The following GPATCH1 variants were observed in gnomAD, a reference collection of about 807,000 sequenced individuals.
The protein encoded by GPATCH1 is G-patch domain containing 1.
A neutral mutation model predicts 114.9 loss-of-function variants in GPATCH1; 73 were observed. The observed-to-expected ratio is 0.64, with a 90% CI of 0.53 to 0.77. The LOEUF (loss-of-function observed/expected upper bound fraction) is 0.77, where lower values mean the gene tolerates loss of function less well. Ranked by LOEUF, GPATCH1 falls within the 30% of genes least tolerant of loss-of-function variation. The pLI is 0.00. For missense variants in GPATCH1, 1,058 were observed against 1,144.3 expected (o/e 0.92, Z 1.09); for synonymous variants, 391 against 428.4 (o/e 0.91, Z 1.08).
intron 1 of GPATCH1, among the ~76,000 whole-genome samples, chr19:33,083,362 G>A (rs902902967): frequency 7.3e-5 from 11 of 150,402 alleles, no homozygotes; most frequent in Middle Eastern, 3.2e-3. Context: ...AATTATAGGC[G>A]TGACTCTCTA....
intron 5 of GPATCH1, among the ~76,000 whole-genome samples, chr19:33,094,550 T>C (rs947810307): frequency 2.0e-5 from 3 of 152,132 alleles, no homozygotes; most frequent in African/African-American, 7.2e-5. Flanking sequence ...CCTGAGCAAA[T>C]TCCAATAAAC....
At chr19:33,119,933 A>G (rs1480578894) in intron 17 of GPATCH1, among the ~76,000 whole-genome samples, 1 of 145,032 alleles carries the variant, frequency 6.9e-6, no homozygotes, top group Non-Finnish European at 1.5e-5. Flanking sequence ...TAAAAATTAT[A>G]TATATTTTTA....
chr19:33,096,406 T>C lies in GPATCH1; in HGVS notation c.812T>C (p.Ile271Thr). 6.2e-7 allele frequency: 1 copy of C among 1,613,930 alleles called. No homozygotes were observed. The highest frequency in any genetic ancestry group is 8.5e-7 in the Non-Finnish European group (1 of 1,179,856). ...GAGAGAGCTGGCGATCTTGGAGAAA[T>C]TGGACTGAATAAAGGAAGAAAATTG... is the stretch of plus-strand genomic sequence containing the variant. ...GSERAGDLGE[I>T]GLNKGRKLGI... The change falls in exon 7 of 20, where the codon ATT (isoleucine) becomes ACT (threonine). Residue 271 changes from isoleucine to threonine, a missense_variant. Physicochemically the swap from Ile to Thr is moderately conservative, Grantham distance 89. Around this residue, in one of 3 missense-constraint regions of GPATCH1, gnomAD observed 893 missense variants for 977.4 expected, o/e 0.91. Transcript: ENST00000170564.
chr19:33,109,412 G>C (rs186356372), intron 10 of GPATCH1, among the ~76,000 whole-genome samples: 19 of 152,016 alleles, frequency 1.2e-4, no homozygotes, highest in African/African-American at 4.1e-4. Context: ...CGGCTACTCG[G>C]TGGGGATGAG....
intron 9 of GPATCH1, among the ~76,000 whole-genome samples, chr19:33,103,521 C>T (rs773224787): frequency 6.6e-6 from 1 of 151,824 alleles, no homozygotes; most frequent in African/African-American, 2.4e-5. Context: ...GCCAACATGG[C>T]GAAACCCCAC....
intron 10 of GPATCH1, among the ~76,000 whole-genome samples, chr19:33,107,127 T>C (rs1001022771): frequency 6.6e-6 from 1 of 152,222 alleles, no homozygotes; most frequent in African/African-American, 2.4e-5. Context: ...TGTCTAGGTC[T>C]GTCACCCAGG....
chr19:33,093,790 T>C (rs1455957767), intron 4 of GPATCH1, among the ~76,000 whole-genome samples: 1 of 152,218 alleles, frequency 6.6e-6, no homozygotes, highest in Non-Finnish European at 1.5e-5. Context: ...CCAGACCTTA[T>C]AGCCTCGCCT....
chr19:33,101,642 C>A, intron 9 of GPATCH1, 68 bp downstream of exon 9: 1 of 772,280 alleles, frequency 1.3e-6, no homozygotes, highest in Non-Finnish European at 2.2e-6. Context: ...GCTATGTGAT[C>A]TGAGTTCTAT....
chr19:33,096,751 C>T (rs1284148486), intron 7 of GPATCH1, among the ~76,000 whole-genome samples: 1 of 151,846 alleles, frequency 6.6e-6, no homozygotes, highest in African/African-American at 2.4e-5. Flanking sequence ...GCCTCAGCCT[C>T]CTGAATAGCT....
intron 17 of GPATCH1, among the ~76,000 whole-genome samples, chr19:33,120,011 AT>A (rs1293656497): frequency 1.4e-5 from 2 of 140,606 alleles, no homozygotes; most frequent in Non-Finnish European, 3.0e-5. Flanking sequence ...TATTTTATAT[AT>A]TTTATATATT....
intron 15 of GPATCH1, among the ~76,000 whole-genome samples, chr19:33,115,751 C>T (rs940705349): frequency 1.3e-5 from 2 of 150,718 alleles, no homozygotes; most frequent in Non-Finnish European, 3.0e-5. Flanking sequence ...GCCTCAGCCT[C>T]CCCAAAGTGC....
chr19:33,097,730 A>C, intron 7 of GPATCH1, 25 bp from the exon 8 acceptor site: 1 of 1,610,854 alleles, frequency 6.2e-7, no homozygotes, highest in Non-Finnish European at 8.5e-7. Flanking sequence ...ACCTGTGCTC[A>C]GTTTGAAACC....
intron 18 of GPATCH1, among the ~76,000 whole-genome samples, chr19:33,125,429 CA>C (rs1271500769): frequency 2.7e-5 from 4 of 149,036 alleles, no homozygotes; most frequent in African/African-American, 9.8e-5. Flanking sequence ...GATGGAGTCT[CA>C]CTCTGTTGCC....
chr19:33,094,092 A>G (rs1972627539), intron 4 of GPATCH1, 80 bp from the exon 5 acceptor site: 4 of 804,396 alleles, frequency 5.0e-6, no homozygotes, highest in Non-Finnish European at 8.7e-6. Context: ...GGAACTGAGC[A>G]GGAACTCAGA....
At chr19:33,098,802 G>A (rs1318559389) in intron 8 of GPATCH1, among the ~76,000 whole-genome samples, 2 of 152,148 alleles carry the variant, frequency 1.3e-5, no homozygotes, top group South Asian at 2.1e-4. Context: ...GGTATGACAG[G>A]GAACCCAGGG....
chr19:33,109,565 C>T, intron 10 of GPATCH1, 152 bp from the exon 11 acceptor site: 1 of 536,512 alleles, frequency 1.9e-6, no homozygotes, highest in Non-Finnish European at 3.3e-6. Context: ...CTGTCTAGTC[C>T]ACAGGGACAT....
chr19:33,118,088 C>A, intron 16 of GPATCH1, 47 bp downstream of exon 16: 1 of 1,250,150 alleles, frequency 8.0e-7, no homozygotes, highest in Non-Finnish European at 1.2e-6. Context: ...AAGACAATGA[C>A]TCTAGGACAG....
At chr19:33,115,211 A>T (rs1599863603) in intron 15 of GPATCH1, among the ~76,000 whole-genome samples, 2 of 127,210 alleles carry the variant, frequency 1.6e-5, no homozygotes, top group African/African-American at 5.8e-5. Context: ...GGCACACACC[A>T]CCATGCCTGG....
rs1972726470 is a variant in GPATCH1, at chr19:33,101,543, C to G, written c.1049C>G (p.Ser350Cys). 2 of 1,601,284 alleles carry G rather than the reference C, an allele frequency of 1.2e-6. No homozygotes were observed. Among genetic ancestry groups the G allele is most frequent in the African/African-American group, 2.7e-5 (2 of 74,764 alleles). The stretch of plus-strand genomic sequence containing the variant: ...GTTGGCAAAATTTTGGATGGATTTT[C>G]CTTGGCTTCTAAACCTTTATCTTCT... ...RYVGKILDGF[S>C]LASKPLSSKK... Residue 350 changes from serine to cysteine, a missense_variant, in exon 9 of 20, where the codon TCC (serine) becomes TGC (cysteine). Ser to Cys is a moderately radical substitution (Grantham distance 112). Around this residue, in one of 3 missense-constraint regions of GPATCH1, gnomAD observed 893 missense variants for 977.4 expected, o/e 0.91. Transcript: ENST00000170564.
Sources: allele counts gnomAD v4.1 joint callset (sites outside exome capture counted in the v4.1 genomes callset), GRCh38; gene constraint gnomAD v4.1.1; regional missense constraint gnomAD v4.1.1; transcripts MANE v1.5; gene names NCBI Gene and HGNC (gene_info 2026-07-23, HGNC 2026-07-21).